The following SARS1 variants were observed in gnomAD, a reference collection of about 807,000 sequenced individuals.
SARS1 encodes the protein seryl-tRNA synthetase 1.
SARS1 carries 25 observed loss-of-function variants against 63.7 expected under a neutral mutation model. That is an observed-to-expected ratio of 0.39 (90% CI 0.29 to 0.55). The LOEUF (loss-of-function observed/expected upper bound fraction) is 0.55, where lower values mean the gene tolerates loss of function less well. Ranked by LOEUF, SARS1 falls within the 20% of genes least tolerant of loss-of-function variation. The probability of loss-of-function intolerance (pLI) is 0.62; values close to 1 mark genes in which losing one functional copy is unlikely to be tolerated. For synonymous variants in SARS1, 231 were observed against 243.5 expected (o/e 0.95, Z 0.48); for missense variants, 417 against 649.7 (o/e 0.64, Z 3.89).
intron 1 of SARS1, chr1:109,217,107 A>C: frequency 1.0e-6 from 1 of 985,482 alleles, no homozygotes; most frequent in Non-Finnish European, 1.2e-6. Context: ...TTTTGCAGTG[A>C]CATACTTTAG....
At chr1:109,230,856 CT>C in intron 4 of SARS1, 21 bp from the exon 5 acceptor site, 1 of 1,583,916 alleles carries the variant, frequency 6.3e-7, no homozygotes. Context: ...TTGTATGTCT[CT>C]TTCTTGCTCT....
chr1:109,236,971 G>A, intron 9 of SARS1: 1 of 1,438,590 alleles, frequency 7.0e-7, no homozygotes, highest in East Asian at 2.6e-5. Context: ...CACAATAGTA[G>A]TTTCTTCCTT....
Position 109,228,349 on chromosome 1 carries a change from C to A in SARS1, c.208-3C>A, listed in dbSNP as rs1295641246. On this transcript the variant is annotated splice_region_variant and splice_polypyrimidine_tract_variant and intron_variant, in intron 2 of 10. Coordinates refer to ENST00000234677, the MANE Select transcript of SARS1 (RefSeq NM_006513.4). Reference sequence around the variant, plus strand: ...TTGTGTTGGGTTTTTTTCCTTCCTGCAGAAAAAAGAGCCAGTGGGAGATGA... The same window carrying A: ...TTGTGTTGGGTTTTTTTCCTTCCTGAAGAAAAAAGAGCCAGTGGGAGATGA... 6.2e-7 allele frequency: 1 copy of A among 1,607,638 alleles called. No homozygotes were observed. The highest frequency in any genetic ancestry group is 1.1e-5 in the South Asian group (1 of 89,718).
intron 9 of SARS1, 152 bp downstream of exon 9, chr1:109,236,700 T>C: frequency 6.7e-7 from 1 of 1,492,192 alleles, no homozygotes; most frequent in Middle Eastern, 1.9e-4. Context: ...AAATGCCTTC[T>C]ACTGAGTCAG....
At chr1:109,225,918 A>T (rs927947541) in intron 2 of SARS1, among the ~76,000 whole-genome samples, 3 of 152,108 alleles carry the variant, frequency 2.0e-5, no homozygotes, top group Admixed American at 2.0e-4. Context: ...AAATCTTGAG[A>T]TTTAGTCCAT....
intron 1 of SARS1, among the ~76,000 whole-genome samples, chr1:109,217,980 A>G (rs1025125931): frequency 5.9e-5 from 9 of 151,306 alleles, no homozygotes; most frequent in Non-Finnish European, 1.3e-4. Flanking sequence ...TCACAAGGTC[A>G]GGAGATCGAG....
intron 1 of SARS1, 98 bp from the exon 2 acceptor site, chr1:109,223,880 C>A: frequency 1.1e-6 from 1 of 881,330 alleles, no homozygotes; most frequent in Non-Finnish European, 1.9e-6. Context: ...GCATTTGGGC[C>A]TTAACCTGAA....
Position 109,228,348 on chromosome 1 carries a change from G to A in SARS1, c.208-4G>A. 1 of 1,606,396 alleles carries A rather than the reference G, an allele frequency of 6.2e-7. No homozygotes were observed. The highest frequency in any genetic ancestry group is 2.2e-5 in the East Asian group (1 of 44,774). On this transcript the variant is annotated splice_region_variant and splice_polypyrimidine_tract_variant and intron_variant, in intron 2 of 10. Transcript: ENST00000234677. ...TTTGTGTTGGGTTTTTTTCCTTCCT[G>A]CAGAAAAAAGAGCCAGTGGGAGATG...
At chr1:109,215,775 G>C (rs369111303) in intron 1 of SARS1, 1 of 523,056 alleles carries the variant, frequency 1.9e-6, no homozygotes, top group Non-Finnish European at 2.5e-6. Flanking sequence ...GCACCATCTC[G>C]GCTCACTGCA....
Position 109,237,851 on chromosome 1 carries a change from A to G in SARS1, c.1508A>G (p.Glu503Gly), listed in dbSNP as rs770264521. Residue 503 changes from glutamate to glycine, a missense_variant, in exon 11 of 11, where the codon GAA (glutamate) becomes GGA (glycine). Glu to Gly is a moderately conservative substitution (Grantham distance 98). Coordinates refer to ENST00000234677, the MANE Select transcript of SARS1 (RefSeq NM_006513.4). The surrounding 1 kb of genome is among the most constrained non-coding windows in gnomAD (Gnocchi z 4.1). ...GCAGCAGCAAGAGACGTCACCCTAG[A>G]AAACAGGCTGCAGAACATGGAGGTC... is the stretch of plus-strand genomic sequence containing the variant. ...KKAAARDVTL[E>G]NRLQNMEVTD... The G allele has an allele frequency of 1.9e-6, 3 of 1,614,086 alleles. No individual in the cohort carries two copies. The highest frequency in any genetic ancestry group is 2.5e-6 in the Non-Finnish European group (3 of 1,180,034).
chr1:109,229,948 G>C (rs1655173365), intron 4 of SARS1, among the ~76,000 whole-genome samples: 2 of 152,290 alleles, frequency 1.3e-5, no homozygotes, highest in Non-Finnish European at 2.9e-5. Context: ...TTCCTGCTGA[G>C]CGGGAGCTTC....
At position 109,235,509 on chromosome 1, in the gene SARS1, G is replaced by A; in HGVS notation, c.969+78G>A. On this transcript the variant is annotated intron_variant, in intron 7 of 10. Coordinates refer to ENST00000234677, the MANE Select transcript of SARS1 (RefSeq NM_006513.4). This position sits in a 1 kb window ranked among gnomAD's most constrained non-coding sequence, Gnocchi z 4.7. Reference sequence around the variant, plus strand: ...TTAGATGAGAGATAGGATCTGTGTTGCTGAGGCCCATCCTGGCTCCAGCTT... The same window carrying A: ...TTAGATGAGAGATAGGATCTGTGTTACTGAGGCCCATCCTGGCTCCAGCTT... The A allele has an allele frequency of 8.6e-7, 1 of 1,168,528 alleles. No individual in the cohort carries two copies. Among genetic ancestry groups the A allele is most frequent in the Non-Finnish European group, 1.2e-6 (1 of 816,084 alleles). 72.4% of individuals were successfully genotyped at this position (1,168,528 alleles called of 1,614,324 possible). A position where few individuals can be genotyped will look rare whatever the true frequency, so the allele number is the denominator to read the frequency against.
chr1:109,224,125 G>C, intron 2 of SARS1, 77 bp downstream of exon 2: 1 of 1,082,818 alleles, frequency 9.2e-7, no homozygotes, highest in Non-Finnish European at 1.4e-6. Flanking sequence ...AATGTTCACA[G>C]AAGTTCTAAC....
intron 1 of SARS1, chr1:109,215,601 T>C: frequency 5.1e-6 from 5 of 983,760 alleles, no homozygotes; most frequent in Non-Finnish European, 4.8e-6. Flanking sequence ...GAATATTTTC[T>C]GTCTTCAGGG....
intron 1 of SARS1, chr1:109,216,280 A>G (rs1654783430): frequency 2.0e-6 from 2 of 985,306 alleles, no homozygotes; most frequent in Non-Finnish European, 2.4e-6. Context: ...AGCAAGCTTC[A>G]CCAAGCCCTC....
At chr1:109,226,993 CT>C (rs932250070) in intron 2 of SARS1, among the ~76,000 whole-genome samples, 5 of 145,788 alleles carry the variant, frequency 3.4e-5, no homozygotes, top group African/African-American at 1.3e-4. Context: ...CTTTCTTTAA[CT>C]CTTTTTTTTT....
At position 109,229,413 on chromosome 1, in the gene SARS1, G is replaced by A; in HGVS notation, c.289-1G>A. 6.2e-7 allele frequency: 1 copy of A among 1,613,882 alleles called. No homozygotes were observed. Among genetic ancestry groups the A allele is most frequent in the Non-Finnish European group, 8.5e-7 (1 of 1,179,904 alleles). The stretch of plus-strand genomic sequence containing the variant: ...TATGGGCCTGGCCTGTTCATCTGCA[G>A]AACCTGAAAGTCTCACAAATCAAAA... On this transcript the variant is annotated splice_acceptor_variant, in intron 3 of 10. Coordinates refer to ENST00000234677, the MANE Select transcript of SARS1 (RefSeq NM_006513.4). LOFTEE classifies it high-confidence loss of function.
chr1:109,228,256 T>G (rs1655134140), intron 2 of SARS1, 96 bp from the exon 3 acceptor site: 1 of 892,270 alleles, frequency 1.1e-6, no homozygotes, highest in East Asian at 2.7e-5. Flanking sequence ...GTTCTGTGAT[T>G]CATTTATATA....
rs371871917 is a variant in SARS1 at position 109,223,963 on chromosome 1, A to G, written c.137-15A>G. On this transcript the variant is annotated splice_polypyrimidine_tract_variant and intron_variant, in intron 1 of 10. Coordinates refer to ENST00000234677, the MANE Select transcript of SARS1 (RefSeq NM_006513.4). ...GGGCATTTCTTTGGTATAGTCTTGG[A>G]TTCTTTATTCCTAGGTAGATTTCGG... 9 of 1,596,190 alleles carry G rather than the reference A, an allele frequency of 5.6e-6. No individual in the cohort carries two copies. Among genetic ancestry groups the G allele is most frequent in the Non-Finnish European group, 7.7e-6 (9 of 1,163,690 alleles).
Sources: allele counts gnomAD v4.1 joint callset (sites outside exome capture counted in the v4.1 genomes callset), GRCh38; gene constraint gnomAD v4.1.1; non-coding constraint Gnocchi (gnomAD v3.1); transcripts MANE v1.5; gene names NCBI Gene and HGNC (gene_info 2026-07-23, HGNC 2026-07-21).